The following ZNF131 variants were observed in gnomAD, a reference collection of about 807,000 sequenced individuals.
The protein encoded by ZNF131 is zinc finger and BTB domain containing 35.
In ZNF131, 7 loss-of-function variants were observed where a neutral mutation model predicts 60.0. That is an observed-to-expected ratio of 0.12 (90% confidence interval 0.07 to 0.22). The LOEUF is 0.22. Among genes scored for constraint, ZNF131 ranks in the 10% least tolerant of loss-of-function variants. The probability of loss-of-function intolerance (pLI) is 1.00; values close to 1 mark genes in which losing one functional copy is unlikely to be tolerated. For missense variants in ZNF131, 493 were observed against 740.9 expected (o/e 0.67, Z 3.88); for synonymous variants, 257 against 253.2 (o/e 1.01, Z -0.14).
chr5:43,161,126 A>G (rs1749640013), intron 4 of ZNF131, 123 bp from the exon 5 acceptor site: 1 of 821,738 alleles, frequency 1.2e-6, no homozygotes, highest in Non-Finnish European at 1.9e-6. Context: ...CAGGTAGGAT[A>G]AGCCCTGCAG....
intron 5 of ZNF131, among the ~76,000 whole-genome samples, chr5:43,169,698 G>T (rs1032037469): frequency 7.9e-5 from 12 of 152,162 alleles, no homozygotes; most frequent in African/African-American, 2.9e-4. Flanking sequence ...TACAGACTAT[G>T]CTGTAGTAAG....
intron 4 of ZNF131, among the ~76,000 whole-genome samples, chr5:43,158,579 C>T (rs542233538): frequency 7.2e-5 from 11 of 152,316 alleles, no homozygotes; most frequent in South Asian, 2.1e-4. Flanking sequence ...CGTGAGCCAC[C>T]GCGCCCGGCC....
intron 3 of ZNF131, among the ~76,000 whole-genome samples, chr5:43,134,546 AAAGG>A (rs1745777444): frequency 6.6e-6 from 1 of 152,186 alleles, no homozygotes; most frequent in Admixed American, 6.5e-5. Context: ...TCCAAGTAAG[AAAGG>A]AAGGAATCAA....
At chr5:43,153,284 C>G (rs1377184184) in intron 4 of ZNF131, among the ~76,000 whole-genome samples, 3 of 151,860 alleles carry the variant, frequency 2.0e-5, no homozygotes, top group African/African-American at 4.8e-5. Flanking sequence ...TTAAGAGGTA[C>G]CAGGCTATTC....
At chr5:43,170,908 T>TA (rs1357842912) in intron 5 of ZNF131, among the ~76,000 whole-genome samples, 1 of 149,822 alleles carries the variant, frequency 6.7e-6, no homozygotes, top group Non-Finnish European at 1.5e-5. Context: ...GTGCTGGGAT[T>TA]ACAGGTGTGA....
chr5:43,127,823 A>G (rs3797306), intron 3 of ZNF131, among the ~76,000 whole-genome samples: 14,833 of 152,268 alleles, frequency 0.097, 861 homozygotes, highest in East Asian at 0.19. Flanking sequence ...TTTGTTCAGA[A>G]CACACAACCT....
intron 4 of ZNF131, among the ~76,000 whole-genome samples, chr5:43,151,649 G>C (rs887485318): frequency 6.6e-6 from 1 of 151,994 alleles, no homozygotes; most frequent in African/African-American, 2.4e-5. Context: ...TGGCCAGACG[G>C]GTCTCCAACT....
At chr5:43,123,185 C>CT (rs757362413) in intron 2 of ZNF131, 24 bp from the exon 3 acceptor site, 971 of 1,522,566 alleles carry the variant, frequency 6.4e-4, no homozygotes, top group Middle Eastern at 8.9e-4. Context: ...GTATGATTTT[C>CT]TTTTTTTTTC....
At chr5:43,168,045 A>G (rs1481697146) in intron 5 of ZNF131, 1 of 423,410 alleles carries the variant, frequency 2.4e-6, no homozygotes, top group African/African-American at 2.0e-5. Flanking sequence ...GGAGTTGAGC[A>G]TGCTAGCTCA....
chr5:43,135,888 C>T (rs904049948), intron 3 of ZNF131, among the ~76,000 whole-genome samples: 2 of 152,090 alleles, frequency 1.3e-5, no homozygotes, highest in South Asian at 4.1e-4. Context: ...GAGGCCGAGG[C>T]GGGCATATCA....
chr5:43,174,328 C>A, intron 6 of ZNF131, 119 bp from the exon 7 acceptor site: 1 of 917,740 alleles, frequency 1.1e-6, no homozygotes. Context: ...TTGCAGGTAC[C>A]ATATTTATAA....
intron 4 of ZNF131, among the ~76,000 whole-genome samples, chr5:43,146,731 C>A (rs1468260860): frequency 1.3e-5 from 2 of 151,990 alleles, no homozygotes; most frequent in Non-Finnish European, 2.9e-5. Flanking sequence ...TATGGTGAAA[C>A]CCTGTCTCTA....
chr5:43,145,474 G>T (rs1747464250), intron 4 of ZNF131, among the ~76,000 whole-genome samples: 3 of 152,094 alleles, frequency 2.0e-5, no homozygotes, highest in Non-Finnish European at 2.9e-5. Context: ...CCAAAATGGT[G>T]AAACATCGTC....
At chr5:43,143,415 T>G in intron 4 of ZNF131, 1 of 1,419,426 alleles carries the variant, frequency 7.0e-7, no homozygotes, top group Non-Finnish European at 9.2e-7. Context: ...TCAAAAGCAG[T>G]GATCTGCTTC....
chr5:43,169,313 A>G (rs1311414911), intron 5 of ZNF131, among the ~76,000 whole-genome samples: 3 of 152,106 alleles, frequency 2.0e-5, no homozygotes, highest in Admixed American at 6.5e-5. Flanking sequence ...ATATGTTTCT[A>G]TTTCTACATT....
chr5:43,144,533 C>G (rs34375419), intron 4 of ZNF131, among the ~76,000 whole-genome samples: 11,997 of 152,092 alleles, frequency 0.079, 653 homozygotes, highest in Non-Finnish European at 0.12. Flanking sequence ...TCCAGTCTGT[C>G]AGAGCTTTTT....
intron 2 of ZNF131, 69 bp downstream of exon 2, chr5:43,122,246 CTTTTTTT>C (rs35497367): frequency 2.1e-4 from 212 of 1,031,820 alleles, no homozygotes; most frequent in Admixed American, 6.3e-4. Context: ...GGACACCCGC[CTTTTTTT>C]TTTTTTTTTT....
At chr5:43,146,395 G>A (rs2111628108) in intron 4 of ZNF131, among the ~76,000 whole-genome samples, 1 of 152,096 alleles carries the variant, frequency 6.6e-6, no homozygotes, top group East Asian at 1.9e-4. Context: ...GACCATCCTG[G>A]CTAACATGGT....
intron 2 of ZNF131, among the ~76,000 whole-genome samples, chr5:43,122,424 C>G (rs1005186555): frequency 6.6e-6 from 1 of 152,168 alleles, no homozygotes; most frequent in Non-Finnish European, 1.5e-5. Context: ...ATTTTAACTT[C>G]TTACATCCTG....
Sources: gnomAD v4.1 joint callset for allele counts (sites outside exome capture counted in the v4.1 genomes callset) on GRCh38, gnomAD v4.1.1 for gene constraint, MANE v1.5 for transcripts, NCBI Gene and HGNC (gene_info 2026-07-23, HGNC 2026-07-21) for gene names.